PCDHA5: variants seen among roughly 807,000 people sequenced by gnomAD.
PCDHA5 encodes the protein protocadherin alpha 5.
Under a neutral mutation model 61.6 loss-of-function variants are expected in PCDHA5, and 43 were observed. The observed-to-expected ratio is 0.70, with a 90% CI of 0.55 to 0.90. The LOEUF (loss-of-function observed/expected upper bound fraction) is 0.90, where lower values mean the gene tolerates loss of function less well. Ranked by LOEUF, PCDHA5 falls within the 40% of genes least tolerant of loss-of-function variation. The probability of loss-of-function intolerance (pLI) is 0.00; values close to 1 mark genes in which losing one functional copy is unlikely to be tolerated. For missense variants in PCDHA5, 1,298 were observed against 1,222.7 expected (o/e 1.06, Z -0.92); for synonymous variants, 627 against 543.9 (o/e 1.15, Z -2.13).
intron 1 of PCDHA5, among the ~76,000 whole-genome samples, chr5:140,934,650 T>C (rs2089969846): frequency 6.6e-6 from 1 of 152,134 alleles, no homozygotes; most frequent in East Asian, 1.9e-4. Flanking sequence ...GATAAATGTT[T>C]GATTCTTCCC....
intron 1 of PCDHA5, among the ~76,000 whole-genome samples, chr5:140,974,079 G>A (rs1554235799): frequency 6.6e-6 from 1 of 152,180 alleles, no homozygotes. Flanking sequence ...CTATAACCAT[G>A]ACTTCAAAAA....
At chr5:140,825,944 G>T (rs2150141904) in intron 1 of PCDHA5, 2 of 152,286 alleles carry the variant, frequency 1.3e-5, no homozygotes, top group Non-Finnish European at 2.9e-5. Context: ...GAAATAATGA[G>T]AACCATTTGT....
intron 1 of PCDHA5, among the ~76,000 whole-genome samples, chr5:140,946,629 T>TATATATATATATATATATAC (rs1367833800): frequency 1.4e-4 from 17 of 123,272 alleles, no homozygotes; most frequent in African/African-American, 5.1e-4. Context: ...TATATATATA[T>TATATATATATATATATATAC]ATACAATGGA....
intron 1 of PCDHA5, among the ~76,000 whole-genome samples, chr5:140,951,019 G>A (rs555662052): frequency 2.0e-5 from 3 of 152,114 alleles, no homozygotes; most frequent in African/African-American, 7.2e-5. Context: ...ATCAGGCAGT[G>A]AGTTTTAATT....
At chr5:140,879,844 C>A (rs1333807567) in intron 1 of PCDHA5, among the ~76,000 whole-genome samples, 1 of 152,194 alleles carries the variant, frequency 6.6e-6, no homozygotes, top group East Asian at 1.9e-4. Context: ...CTGTACCACT[C>A]CCATCTCAGC....
In PCDHA5 at chr5:140,823,662, G is replaced by T; in HGVS notation, c.1887G>T (p.Glu629Asp). 6.2e-7 allele frequency: 1 copy of T among 1,614,064 alleles called. No homozygotes were observed. The highest frequency in any genetic ancestry group is 8.5e-7 in the Non-Finnish European group (1 of 1,179,950). The stretch of plus-strand genomic sequence containing the variant: ...TCCGCGTGGGGCTGTACACAGGCGA[G>T]ATCAGCACAACACGCTCTCTGGATG... Reference protein sequence around the residue: ...IPFRVGLYTGEISTTRSLDET... With the variant: ...IPFRVGLYTGDISTTRSLDET... The change falls in exon 1 of 4, where the codon GAG becomes GAT. Residue 629 changes from glutamate (E) to aspartate (D), a missense_variant. Physicochemically the swap from Glu to Asp is conservative, Grantham distance 45 (BLOSUM62 2). Transcript: ENST00000529859.
At chr5:140,993,616 C>A (rs1554253872) in intron 3 of PCDHA5, among the ~76,000 whole-genome samples, 2 of 151,688 alleles carry the variant, frequency 1.3e-5, no homozygotes, top group Admixed American at 6.6e-5. Context: ...TTGTTGGGAC[C>A]CTCTATATAT....
At chr5:140,939,672 A>T (rs573857311) in intron 1 of PCDHA5, among the ~76,000 whole-genome samples, 1 of 152,314 alleles carries the variant, frequency 6.6e-6, no homozygotes, top group Non-Finnish European at 1.5e-5. Context: ...ACCAACTTGT[A>T]TGTATGTGTG....
At chr5:140,927,316 C>A in intron 1 of PCDHA5, 1 of 1,614,198 alleles carries the variant, frequency 6.2e-7, no homozygotes, top group Non-Finnish European at 8.5e-7. Flanking sequence ...GCCCGGAGCC[C>A]GCTTTACTCT....
intron 1 of PCDHA5, chr5:140,852,917 T>A: frequency 1.3e-6 from 1 of 767,560 alleles, no homozygotes; most frequent in Non-Finnish European, 1.6e-6. Context: ...CTCGCTCTGT[T>A]GCCCAGGCTG....
chr5:140,828,368 G>T, intron 1 of PCDHA5: 1 of 1,614,288 alleles, frequency 6.2e-7, no homozygotes, highest in African/African-American at 1.3e-5. Flanking sequence ...GATCGACCGC[G>T]AGGAGCTGTG....
At chr5:141,008,512 C>A (rs1006553111) in intron 3 of PCDHA5, among the ~76,000 whole-genome samples, 2 of 152,094 alleles carry the variant, frequency 1.3e-5, no homozygotes, top group Non-Finnish European at 2.9e-5. Context: ...GGTGTGTCTT[C>A]CAATCAGACT....
At chr5:140,852,893 T>C in intron 1 of PCDHA5, 1 of 907,664 alleles carries the variant, frequency 1.1e-6, no homozygotes, top group Non-Finnish European at 1.3e-6. Context: ...GTATTTTTTT[T>C]TTTGAGTCAG....
chr5:140,848,359 G>C, intron 1 of PCDHA5: 1 of 1,059,608 alleles, frequency 9.4e-7, no homozygotes, highest in South Asian at 1.6e-5. Context: ...TTTTCCCATG[G>C]GAAAGAGGCT....
At chr5:140,856,187 A>G (rs781874204) in intron 1 of PCDHA5, 4 of 1,598,212 alleles carry the variant, frequency 2.5e-6, no homozygotes, top group African/African-American at 2.7e-5. Flanking sequence ...CGTGGGCCGC[A>G]TCGCGCAGGA....
rs59031154 is a variant in PCDHA5 at position 140,884,790 on chromosome 5, T to C, written c.2352+60663T>C. ...TTAATTTTAATTTTGCTAGTTGTTATCGAATTTAACAACTCTGCTGTGGAC... is the reference window on the plus strand; with the variant it reads ...TTAATTTTAATTTTGCTAGTTGTTACCGAATTTAACAACTCTGCTGTGGAC... On this transcript the variant is annotated intron_variant, in intron 1 of 3. Transcript: ENST00000529859. 1.6e-3 allele frequency: 2,209 copies of C among 1,352,036 alleles called. 33 individuals are homozygous for C. In the African/African-American group the frequency reaches 0.03, roughly 18 times the overall value. The allele number at this position is 1,352,036 out of a possible 1,614,324, so 83.8% of individuals were successfully genotyped here.
At position 140,839,681 on chromosome 5, in the gene PCDHA5, G is replaced by T. The variant is rs149210485; in HGVS notation, c.2352+15554G>T. On this transcript the variant is annotated intron_variant, in intron 1 of 3. Coordinates refer to ENST00000529859, the MANE Select transcript of PCDHA5 (RefSeq NM_018908.3). Reference sequence around the variant, plus strand: ...GCTACTATTTAGAGTCAACTACAGAGATTTTTTTGGGTAAATAATGTGATG... The same window carrying T: ...GCTACTATTTAGAGTCAACTACAGATATTTTTTTGGGTAAATAATGTGATG... Among the ~76,000 whole-genome samples the T allele has an allele frequency of 4.2e-3, 640 of 152,116 alleles. 7 individuals are homozygous for T. The highest frequency in any genetic ancestry group is 0.033 in the South Asian group (157 of 4,822).
rs138893413 is a variant in PCDHA5, at chr5:140,976,899, T to C, written c.2353-2050T>C. Among the ~76,000 whole-genome samples, 191 of 152,340 alleles carry C rather than the reference T, an allele frequency of 1.3e-3. 1 individual carries two copies. The highest frequency in any genetic ancestry group is 4.3e-3 in the African/African-American group (179 of 41,576). ...AAGAATTAGGATACATGCAACAGTA[T>C]GTAATAAAGTGCAAAATCTAGTACT... On this transcript the variant is annotated intron_variant, in intron 1 of 3. Transcript: ENST00000529859.
At chr5:140,850,799 C>G (rs576094644) in intron 1 of PCDHA5, 1 of 1,598,148 alleles carries the variant, frequency 6.3e-7, no homozygotes, top group Non-Finnish European at 8.6e-7. Context: ...AGAAGACCGA[C>G]CTCATGGCCT....
Sources: allele counts gnomAD v4.1 joint callset (sites outside exome capture counted in the v4.1 genomes callset), GRCh38; gene constraint gnomAD v4.1.1; transcripts MANE v1.5; gene names NCBI Gene and HGNC (gene_info 2026-07-23, HGNC 2026-07-21).